The following SLC9A8 variants were observed in gnomAD, a reference collection of about 807,000 sequenced individuals.
SLC9A8 encodes solute carrier family 9 member A8.
SLC9A8 carries 48 observed loss-of-function variants against 66.6 expected under a neutral mutation model. That is an observed-to-expected ratio of 0.72 (90% CI 0.57 to 0.92). The LOEUF (loss-of-function observed/expected upper bound fraction) is 0.92. Among genes scored for constraint, SLC9A8 ranks in the 40% least tolerant of loss-of-function variants. SLC9A8 has a pLI of 0.00. For synonymous variants in SLC9A8, 274 were observed against 282.6 expected (o/e 0.97, Z 0.31); for missense variants, 599 against 747.3 (o/e 0.80, Z 2.31).
chr20:49,816,380 ACTGTACTGTAGC>A (rs1026683128), intron 2 of SLC9A8, among the ~76,000 whole-genome samples: 87 of 152,128 alleles, frequency 5.7e-4, no homozygotes, highest in African/African-American at 2.0e-3. Flanking sequence ...AGATCGTGCC[ACTGTACTGTAGC>A]CTGGGCGACA....
Position 49,888,326 on chromosome 20 carries a change from C to T in SLC9A8, c.*390C>T, listed in dbSNP as rs1191331078. On this transcript the variant is annotated 3_prime_UTR_variant, in exon 16 of 16. Coordinates refer to ENST00000361573, the MANE Select transcript of SLC9A8 (RefSeq NM_015266.3). ...AGTTGTGCCATTCCCCAGCCACTGC[C>T]TTCATGCTGCCCCCGCCGGACTGGC... is the stretch of plus-strand genomic sequence containing the variant. The T allele has an allele frequency of 2.1e-5, 4 of 187,540 alleles. No individual in the cohort carries two copies. In the Admixed American group the frequency reaches 2.2e-4, roughly 10 times the overall value. The allele number at this position is 187,540 out of a possible 1,614,324, so 11.6% of individuals were successfully genotyped here.
At chr20:49,881,663 C>G (rs2089629496) in intron 13 of SLC9A8, among the ~76,000 whole-genome samples, 1 of 152,150 alleles carries the variant, frequency 6.6e-6, no homozygotes, top group South Asian at 2.1e-4. Context: ...GTTATAGCAA[C>G]ACACTATAAT....
chr20:49,879,482 G>A (rs564353702), intron 12 of SLC9A8, among the ~76,000 whole-genome samples: 1 of 152,354 alleles, frequency 6.6e-6, no homozygotes, highest in South Asian at 2.1e-4. Context: ...GATAATGCAT[G>A]TAAAATGATT....
At chr20:49,880,828 G>T (rs1015213137) in intron 12 of SLC9A8, 96 bp from the exon 13 acceptor site, 11 of 802,204 alleles carry the variant, frequency 1.4e-5, no homozygotes, top group Non-Finnish European at 4.4e-6. Flanking sequence ...CATTTGTACT[G>T]GATGTGTTAC....
chr20:49,874,947 C>G (rs1178463932), intron 11 of SLC9A8, 126 bp downstream of exon 11: 1 of 700,450 alleles, frequency 1.4e-6, no homozygotes, highest in Non-Finnish European at 2.6e-6. Flanking sequence ...GAGCCAGATC[C>G]CTCACTCCCT....
intron 8 of SLC9A8, among the ~76,000 whole-genome samples, chr20:49,856,018 C>T (rs755842315): frequency 9.2e-5 from 14 of 152,012 alleles, no homozygotes; most frequent in Non-Finnish European, 1.6e-4. Flanking sequence ...GTCTTGAACC[C>T]CTGGGCTCAA....
chr20:49,860,878 G>A (rs6095694), intron 8 of SLC9A8, among the ~76,000 whole-genome samples: 1 of 152,204 alleles, frequency 6.6e-6, no homozygotes, highest in Non-Finnish European at 1.5e-5. Flanking sequence ...CCGGACATAA[G>A]GCAGCGAACA....
intron 10 of SLC9A8, among the ~76,000 whole-genome samples, chr20:49,872,845 A>G (rs928761977): frequency 2.6e-5 from 4 of 152,262 alleles, no homozygotes; most frequent in Non-Finnish European, 5.9e-5. Flanking sequence ...ACAAAATGGC[A>G]GAAGTGAATT....
Position 49,845,125 on chromosome 20 carries a change from A to C in SLC9A8, c.432+6A>C, listed in dbSNP as rs2087929603. Reference sequence around the variant, plus strand: ...CTGGATATTCATTACACAAGGTGAGACTCAGGCACACATTGGTGCTTTGGT... The same window carrying C: ...CTGGATATTCATTACACAAGGTGAGCCTCAGGCACACATTGGTGCTTTGGT... On this transcript the variant is annotated splice_donor_region_variant and intron_variant, in intron 5 of 15. Coordinates refer to ENST00000361573, the MANE Select transcript of SLC9A8 (RefSeq NM_015266.3). 6 of 1,595,840 alleles carry C rather than the reference A, an allele frequency of 3.8e-6. No homozygotes were observed. Among genetic ancestry groups the C allele is most frequent in the Non-Finnish European group, 5.2e-6 (6 of 1,163,350 alleles).
rs775344161 is a variant in SLC9A8 at position 49,874,697 on chromosome 20, C to G, written c.959-8C>G. On this transcript the variant is annotated splice_polypyrimidine_tract_variant and splice_region_variant and intron_variant, in intron 10 of 15. Transcript: ENST00000361573. The stretch of plus-strand genomic sequence containing the variant: ...CAGTGCTTTCTGTTCTGTTCTCTCC[C>G]TCTCTAGGCATCATGGCCATCCTTT... 5.9e-6 allele frequency: 9 copies of G among 1,534,528 alleles called. No homozygotes were observed. The highest frequency in any genetic ancestry group is 7.2e-6 in the Non-Finnish European group (8 of 1,107,692).
At position 49,884,221 on chromosome 20, in the gene SLC9A8, C is replaced by CACACG. The variant is rs1317425427; in HGVS notation, c.1491+159_1491+160insGACAC. ...CACGACACACACACACACACACACACACACACACACACACACACACGACAC... is the reference window on the plus strand; with the variant it reads ...CACGACACACACACACACACACACACACACGACACACACACACACACACACGACAC... On this transcript the variant is annotated intron_variant, in intron 14 of 15. Transcript: ENST00000361573. The CACACG allele has an allele frequency of 4.8e-5, 14 of 289,214 alleles. No individual in the cohort carries two copies. In the East Asian group the frequency reaches 5.6e-4, roughly 12 times the overall value. The allele number at this position is 289,214 out of a possible 1,614,324, so 17.9% of individuals were successfully genotyped here.
chr20:49,834,356 ATATATATACTGTG>A lies in SLC9A8; in HGVS notation c.290-5176_290-5164del, dbSNP rs1350782103. ...GTGTATATATATATATACTGTATAT[ATATATATACTGTG>A]TATATATATATATACTGTGTATATA... On this transcript the variant is annotated intron_variant, in intron 3 of 15. Transcript: ENST00000361573. Among the ~76,000 whole-genome samples the A allele has an allele frequency of 3.6e-3, 241 of 66,594 alleles. 12 individuals carry two copies. Among genetic ancestry groups the A allele is most frequent in the Middle Eastern group, 0.026 (4 of 152 alleles). The allele number at this position is 66,594 out of a possible 152,430, so 43.7% of individuals were successfully genotyped here. A position where few individuals can be genotyped will look rare whatever the true frequency, so the allele number is the denominator to read the frequency against.
chr20:49,884,673 G>A (rs910029416), intron 14 of SLC9A8, among the ~76,000 whole-genome samples: 7 of 152,174 alleles, frequency 4.6e-5, no homozygotes, highest in Non-Finnish European at 8.8e-5. Flanking sequence ...TGTGAGGGCC[G>A]TGAGAGGGGT....
intron 3 of SLC9A8, chr20:49,831,157 C>G (rs2087169290): frequency 6.1e-6 from 3 of 488,226 alleles, no homozygotes; most frequent in Non-Finnish European, 1.1e-5. Context: ...GGGTCAGGGG[C>G]CTGGGACTTT....
intron 8 of SLC9A8, among the ~76,000 whole-genome samples, chr20:49,856,116 T>G (rs1348352844): frequency 6.6e-6 from 1 of 152,154 alleles, no homozygotes; most frequent in Non-Finnish European, 1.5e-5. Context: ...TCGACCTGCC[T>G]TTTAGTAGTG....
chr20:49,875,644 G>A (rs899688079), intron 11 of SLC9A8, among the ~76,000 whole-genome samples: 2 of 152,070 alleles, frequency 1.3e-5, no homozygotes, highest in South Asian at 2.1e-4. Flanking sequence ...GGTTGGAGTC[G>A]GGGAACAGCT....
At chr20:49,835,636 G>A (rs1398808097) in intron 3 of SLC9A8, among the ~76,000 whole-genome samples, 1 of 148,508 alleles carries the variant, frequency 6.7e-6, no homozygotes, top group East Asian at 2.0e-4. Flanking sequence ...TTTTTATTTG[G>A]CAACAGCTTT....
intron 3 of SLC9A8, among the ~76,000 whole-genome samples, chr20:49,834,139 GTCTCTCTCTCTCTCTCTCTCTCTCTC>G (rs71335517): frequency 1.5e-5 from 1 of 65,410 alleles, no homozygotes; most frequent in Non-Finnish European, 2.6e-5. Flanking sequence ...ATATTAGCTT[GTCTCTCTCTCTCTCTCTCTCTCTCTC>G]TCTCTCTCTC....
At chr20:49,850,659 C>A in intron 6 of SLC9A8, 151 bp from the exon 7 acceptor site, 1 of 883,066 alleles carries the variant, frequency 1.1e-6, no homozygotes, top group Non-Finnish European at 1.7e-6. Context: ...TCAACTAAGG[C>A]TTAGGAGCTT....
Sources: gnomAD v4.1 joint callset for allele counts (sites outside exome capture counted in the v4.1 genomes callset) on GRCh38, gnomAD v4.1.1 for gene constraint, MANE v1.5 for transcripts, NCBI Gene and HGNC (gene_info 2026-07-23, HGNC 2026-07-21) for gene names.